The following LARGE1 variants were observed in gnomAD, a reference collection of about 807,000 sequenced individuals.
LARGE1 encodes the protein LARGE xylosyl- and glucuronyltransferase 1.
In LARGE1, 43 loss-of-function variants were observed where a neutral mutation model predicts 87.6. The observed-to-expected ratio is 0.49, with a 90% CI of 0.38 to 0.63. The LOEUF (loss-of-function observed/expected upper bound fraction) is 0.63, where lower values mean the gene tolerates loss of function less well. LARGE1 is among the 30% of genes least tolerant of loss of function. The pLI is 0.00. For missense variants in LARGE1, 802 were observed against 1,000.2 expected, an observed-to-expected ratio of 0.80 and a Z score of 2.67; for synonymous variants, 434 against 394.6, an observed-to-expected ratio of 1.10 and a Z score of -1.18.
chr22:33,288,070 T>C (rs1049186438), intron 12 of LARGE1, among the ~76,000 whole-genome samples: 4 of 152,220 alleles, frequency 2.6e-5, no homozygotes, highest in Non-Finnish European at 5.9e-5. Context: ...GGGTACATGA[T>C]GCCTATGATG....
At chr22:33,186,300 C>T (rs758118543) in intron 11 of LARGE1, among the ~76,000 whole-genome samples, 3 of 151,962 alleles carry the variant, frequency 2.0e-5, no homozygotes, top group South Asian at 2.1e-4. Context: ...TCCAGTGATA[C>T]GTAAAAAAGG....
At chr22:33,306,997 T>C (rs1013463413) in intron 11 of LARGE1, among the ~76,000 whole-genome samples, 1 of 152,132 alleles carries the variant, frequency 6.6e-6, no homozygotes, top group Non-Finnish European at 1.5e-5. Flanking sequence ...CGAGACAGAA[T>C]GGTGACACAA....
intron 5 of LARGE1, among the ~76,000 whole-genome samples, chr22:33,594,751 C>T (rs1390315889): frequency 2.6e-5 from 4 of 152,206 alleles, no homozygotes; most frequent in South Asian, 4.1e-4. Context: ...GGATTACAGG[C>T]ACCCACCACC....
chr22:33,714,036 A>C (rs537560389), intron 2 of LARGE1, among the ~76,000 whole-genome samples: 3 of 116,288 alleles, frequency 2.6e-5, no homozygotes, highest in South Asian at 6.3e-4. Flanking sequence ...CATAACATAA[A>C]ACAAAATGAG....
intron 6 of LARGE1, among the ~76,000 whole-genome samples, chr22:33,503,242 CTTTT>C (rs60105421): frequency 1.4e-5 from 2 of 142,806 alleles, no homozygotes; most frequent in Non-Finnish European, 3.1e-5. Flanking sequence ...AGGAGTTCCC[CTTTT>C]TTTTTTTTTT....
intron 11 of LARGE1, among the ~76,000 whole-genome samples, chr22:33,178,477 AT>A (rs1209609915): frequency 6.6e-6 from 1 of 152,204 alleles, no homozygotes; most frequent in Non-Finnish European, 1.5e-5. Context: ...TAGAATGGAC[AT>A]GAACAGGTTC....
At chr22:33,182,884 C>T (rs1923246992) in intron 11 of LARGE1, among the ~76,000 whole-genome samples, 1 of 152,102 alleles carries the variant, frequency 6.6e-6, no homozygotes, top group African/African-American at 2.4e-5. Flanking sequence ...AGGAGAAAAG[C>T]TCCATGACAT....
intron 1 of LARGE1, among the ~76,000 whole-genome samples, chr22:33,843,400 G>A (rs996113514): frequency 2.6e-5 from 4 of 151,188 alleles, no homozygotes; most frequent in African/African-American, 9.7e-5. Flanking sequence ...TTGCACCACT[G>A]CACTCTAGCC....
intron 6 of LARGE1, among the ~76,000 whole-genome samples, chr22:33,530,461 CT>C (rs5845091): frequency 0.53 from 68,092 of 128,778 alleles, 17,105 homozygotes; most frequent in Admixed American, 0.61. Context: ...CTTGCTGAGG[CT>C]TTTTTTTTTT....
intron 7 of LARGE1, among the ~76,000 whole-genome samples, chr22:33,405,039 T>C (rs1016609159): frequency 4.6e-5 from 7 of 152,224 alleles, no homozygotes; most frequent in Admixed American, 4.6e-4. Flanking sequence ...TGTCCTCTTG[T>C]TGGCTTTTAA....
At chr22:33,284,608 T>C (rs1483897180) in intron 12 of LARGE1, among the ~76,000 whole-genome samples, 2 of 152,068 alleles carry the variant, frequency 1.3e-5, no homozygotes, top group South Asian at 2.1e-4. Context: ...GATGGAGTCT[T>C]GCTCTGTTGC....
At chr22:33,818,593 C>A (rs973409227) in intron 1 of LARGE1, among the ~76,000 whole-genome samples, 8 of 152,124 alleles carry the variant, frequency 5.3e-5, no homozygotes, top group Admixed American at 2.6e-4. Flanking sequence ...CCTGTAAAAG[C>A]CTAACTTTTC....
chr22:33,868,843 G>T (rs1302756709), intron 1 of LARGE1, among the ~76,000 whole-genome samples: 1 of 152,114 alleles, frequency 6.6e-6, no homozygotes, highest in Non-Finnish European at 1.5e-5. Context: ...GGCTGACCTT[G>T]AGGGGCTCAA....
chr22:33,909,603 A>G (rs967987435), intron 1 of LARGE1, among the ~76,000 whole-genome samples: 14 of 151,468 alleles, frequency 9.2e-5, no homozygotes, highest in Admixed American at 3.9e-4. Flanking sequence ...CAGTGGCATG[A>G]TATCGGCTCA....
intron 12 of LARGE1, among the ~76,000 whole-genome samples, chr22:33,287,831 T>C (rs1931825482): frequency 6.6e-6 from 1 of 152,230 alleles, no homozygotes; most frequent in South Asian, 2.1e-4. Context: ...ACTCTATTAC[T>C]CTTTAGATTG....
At chr22:33,336,012 T>A (rs935154993) in intron 10 of LARGE1, among the ~76,000 whole-genome samples, 1 of 152,226 alleles carries the variant, frequency 6.6e-6, no homozygotes, top group African/African-American at 2.4e-5. Context: ...GTGTGCAGAA[T>A]AAGTAGAAGG....
intron 11 of LARGE1, among the ~76,000 whole-genome samples, chr22:33,255,233 T>C (rs916821354): frequency 4.1e-4 from 62 of 152,324 alleles, no homozygotes; most frequent in African/African-American, 1.4e-3. Context: ...CCACCGTGCC[T>C]GGCCCGGGAA....
chr22:33,739,057 C>T (rs2283936), intron 2 of LARGE1, among the ~76,000 whole-genome samples: 1 of 151,228 alleles, frequency 6.6e-6, no homozygotes, highest in African/African-American at 2.4e-5. Flanking sequence ...CCTCAGCGTA[C>T]GTACTTACTC....
intron 5 of LARGE1, among the ~76,000 whole-genome samples, chr22:33,582,490 G>A (rs1317568233): frequency 2.6e-5 from 4 of 152,080 alleles, no homozygotes; most frequent in African/African-American, 9.7e-5. Context: ...TAAGAGAATT[G>A]AATGAGACTT....
Sources: gnomAD v4.1 joint callset for allele counts (sites outside exome capture counted in the v4.1 genomes callset) on GRCh38, gnomAD v4.1.1 for gene constraint, MANE v1.5 for transcripts, NCBI Gene and HGNC (gene_info 2026-07-23, HGNC 2026-07-21) for gene names.